CDYL2: variants seen among roughly 807,000 people sequenced by gnomAD.
CDYL2 encodes the protein chromodomain Y-like protein 2.
In CDYL2, 23 loss-of-function variants were observed where a neutral mutation model predicts 49.4. The ratio of observed to expected loss-of-function variants is 0.47; its 90% CI spans 0.34 to 0.66. CDYL2 has a LOEUF of 0.66. Among genes scored for constraint, CDYL2 ranks in the 30% least tolerant of loss-of-function variants. The pLI is 0.01. For synonymous variants in CDYL2, 360 were observed against 268.8 expected (o/e 1.34, Z -3.32); for missense variants, 678 against 656.4 (o/e 1.03, Z -0.36).
At chr16:80,792,102 G>C (rs930709046) in intron 1 of CDYL2, among the ~76,000 whole-genome samples, 4 of 152,190 alleles carry the variant, frequency 2.6e-5, no homozygotes, top group Non-Finnish European at 5.9e-5. Context: ...GGGTGCTACT[G>C]AGGCTAGGAA....
chr16:80,803,019 G>A (rs1049149597), intron 1 of CDYL2, among the ~76,000 whole-genome samples: 2 of 152,300 alleles, frequency 1.3e-5, no homozygotes, highest in African/African-American at 2.4e-5. Context: ...CTGGTTTCAC[G>A]GAGGCCCAGA....
chr16:80,704,062 C>A (rs186541654), intron 1 of CDYL2, among the ~76,000 whole-genome samples: 14 of 152,290 alleles, frequency 9.2e-5, no homozygotes, highest in Middle Eastern at 3.4e-3. Flanking sequence ...AACTCCACTA[C>A]CTGAGTAGAG....
At chr16:80,777,260 G>A (rs370296824) in intron 1 of CDYL2, among the ~76,000 whole-genome samples, 49 of 151,960 alleles carry the variant, frequency 3.2e-4, no homozygotes, top group Non-Finnish European at 5.6e-4. Context: ...ACTATGTGTC[G>A]AGTACACTCA....
intron 1 of CDYL2, among the ~76,000 whole-genome samples, chr16:80,706,048 G>A (rs918799825): frequency 6.6e-6 from 1 of 152,194 alleles, no homozygotes; most frequent in Non-Finnish European, 1.5e-5. Context: ...CTGTTCTCAT[G>A]GAACTTAGCA....
chr16:80,705,991 CT>C (rs1419448255), intron 1 of CDYL2, among the ~76,000 whole-genome samples: 1 of 152,202 alleles, frequency 6.6e-6, no homozygotes, highest in East Asian at 1.9e-4. Flanking sequence ...ATGCTGGACA[CT>C]CCAAGGCAGT....
chr16:80,693,097 C>T (rs187670364), intron 1 of CDYL2, among the ~76,000 whole-genome samples: 1 of 127,824 alleles, frequency 7.8e-6, no homozygotes, highest in South Asian at 2.4e-4. Flanking sequence ...CTATAGTGAT[C>T]GAAGCCAGAT....
chr16:80,675,472 T>A (rs969828356), intron 2 of CDYL2, among the ~76,000 whole-genome samples: 1 of 152,196 alleles, frequency 6.6e-6, no homozygotes, highest in Non-Finnish European at 1.5e-5. Context: ...CAAGAAATGT[T>A]AGCTACTATT....
At chr16:80,698,385 T>C (rs1182955389) in intron 1 of CDYL2, among the ~76,000 whole-genome samples, 1 of 152,302 alleles carries the variant, frequency 6.6e-6, no homozygotes, top group East Asian at 1.9e-4. Flanking sequence ...ATCCAGAATA[T>C]ACAAGGAACT....
chr16:80,717,700 C>T (rs972291430), intron 1 of CDYL2, among the ~76,000 whole-genome samples: 2 of 152,132 alleles, frequency 1.3e-5, no homozygotes, highest in African/African-American at 4.8e-5. Context: ...AGACAAGGCC[C>T]CTGTCCTTGG....
intron 2 of CDYL2, among the ~76,000 whole-genome samples, chr16:80,668,177 A>C (rs1407322846): frequency 1.3e-5 from 2 of 152,244 alleles, no homozygotes; most frequent in African/African-American, 4.8e-5. Flanking sequence ...AGCCAAAAAC[A>C]GGGAGGCCGT....
intron 1 of CDYL2, among the ~76,000 whole-genome samples, chr16:80,717,826 C>G (rs148066024): frequency 1.7e-4 from 26 of 152,308 alleles, no homozygotes; most frequent in African/African-American, 6.3e-4. Context: ...CCATCATATG[C>G]TAGAAATTCC....
chr16:80,620,753 C>T lies in CDYL2; in HGVS notation c.1007+10G>A, dbSNP rs1907043245. ...GGACCCCAGGGTGTGTGAAAAGGAG[C>T]ACAGCTCACCTGATGGCTTCTGCAA... On this transcript the variant is annotated intron_variant, in intron 4 of 6. Coordinates refer to ENST00000570137, the MANE Select transcript of CDYL2 (RefSeq NM_152342.4). 6.3e-7 allele frequency: 1 copy of T among 1,577,488 alleles called. No homozygotes were observed. The highest frequency in any genetic ancestry group is 1.7e-4 in the Middle Eastern group (1 of 5,928).
At chr16:80,777,155 C>G (rs534549298) in intron 1 of CDYL2, among the ~76,000 whole-genome samples, 22 of 152,088 alleles carry the variant, frequency 1.4e-4, no homozygotes, top group Non-Finnish European at 1.6e-4. Context: ...AGAAAATAAG[C>G]AGAAATTCAG....
chr16:80,632,583 CAAT>C (rs72302427), intron 3 of CDYL2: 9,291 of 171,094 alleles, frequency 0.054, 822 homozygotes, highest in African/African-American at 0.2. Context: ...CAATCTGTCT[CAAT>C]TATATATACA....
At chr16:80,781,703 C>T (rs1283777160) in intron 1 of CDYL2, among the ~76,000 whole-genome samples, 1 of 152,082 alleles carries the variant, frequency 6.6e-6, no homozygotes, top group Non-Finnish European at 1.5e-5. Flanking sequence ...AGTACCTTTT[C>T]TCACCAACAT....
At chr16:80,671,711 G>C (rs1032674962) in intron 2 of CDYL2, among the ~76,000 whole-genome samples, 4 of 152,196 alleles carry the variant, frequency 2.6e-5, no homozygotes, top group Non-Finnish European at 5.9e-5. Context: ...ACGATACCGA[G>C]GCTCCTCTTG....
intron 3 of CDYL2, among the ~76,000 whole-genome samples, chr16:80,630,443 C>T (rs13336748): frequency 0.056 from 8,514 of 152,190 alleles, 721 homozygotes; most frequent in African/African-American, 0.18. Flanking sequence ...TTTTAGAGCA[C>T]GCTTTTAGAA....
chr16:80,641,293 G>C (rs1023258336), intron 2 of CDYL2, among the ~76,000 whole-genome samples: 1 of 152,068 alleles, frequency 6.6e-6, no homozygotes, highest in Non-Finnish European at 1.5e-5. Flanking sequence ...CAGGCCAGGA[G>C]AGAATGGCAT....
intron 1 of CDYL2, among the ~76,000 whole-genome samples, chr16:80,727,916 CA>C (rs1399436282): frequency 6.6e-6 from 1 of 152,158 alleles, no homozygotes; most frequent in Non-Finnish European, 1.5e-5. Context: ...AACTAACAAA[CA>C]GAAAGGACAT....
Sources: allele counts gnomAD v4.1 joint callset (sites outside exome capture counted in the v4.1 genomes callset), GRCh38; gene constraint gnomAD v4.1.1; transcripts MANE v1.5; gene names NCBI Gene and HGNC (gene_info 2026-07-23, HGNC 2026-07-21).